Variants in ICAM2 observed in about 807,000 individuals in gnomAD.
The protein encoded by ICAM2 is intercellular adhesion molecule 2, also known as ICAM-2.
In ICAM2, 14 loss-of-function variants were observed where a neutral mutation model predicts 19.1. The observed-to-expected ratio is 0.73, with a 90% CI of 0.48 to 1.15. ICAM2 has a LOEUF of 1.15. ICAM2 is among the 50% of genes most tolerant of loss of function. The pLI, the probability that ICAM2 is intolerant of heterozygous loss-of-function variation, is 0.00. For synonymous variants in ICAM2, 153 were observed against 152.7 expected (o/e 1.00, Z -0.01); for missense variants, 311 against 355.4 (o/e 0.88, Z 1.00).
intron 1 of ICAM2, among the ~76,000 whole-genome samples, chr17:64,016,105 A>G (rs1275764335): frequency 6.6e-6 from 1 of 152,202 alleles, no homozygotes; most frequent in Non-Finnish European, 1.5e-5. Flanking sequence ...AGACAAGTAC[A>G]GGAAGAGAAA....
chr17:64,010,047 T>C (rs1261751752), intron 1 of ICAM2, among the ~76,000 whole-genome samples: 2 of 152,198 alleles, frequency 1.3e-5, no homozygotes, highest in Non-Finnish European at 2.9e-5. Context: ...TTTACCAGCC[T>C]CTTGCCCTCC....
intron 1 of ICAM2, among the ~76,000 whole-genome samples, chr17:64,013,488 G>C (rs557854859): frequency 5.3e-5 from 8 of 151,746 alleles, no homozygotes; most frequent in African/African-American, 1.7e-4. Flanking sequence ...GTGATAGGGT[G>C]AGTTCCTATC....
At position 64,005,092 on chromosome 17, in the gene ICAM2, A is replaced by C; in HGVS notation, c.328+15T>G. The C allele has an allele frequency of 6.2e-7, 1 of 1,614,052 alleles. No homozygotes were observed. The highest frequency in any genetic ancestry group is 8.5e-7 in the Non-Finnish European group (1 of 1,179,958). ...GTCCCAGGGGAGAGGAGGGCCCCGC[A>C]GCACAGCCACTCACGGTACACGCTG... On this transcript the variant is annotated intron_variant, in intron 3 of 4. Coordinates refer to ENST00000579788, the MANE Select transcript of ICAM2 (RefSeq NM_001099789.2).
intron 1 of ICAM2, among the ~76,000 whole-genome samples, chr17:64,011,279 G>A (rs945117041): frequency 1.3e-5 from 2 of 152,122 alleles, no homozygotes; most frequent in Admixed American, 6.5e-5. Flanking sequence ...TGGCTAACAC[G>A]GTGAAACCCT....
rs1345225688 is a variant in ICAM2, at chr17:64,014,396, GAAGGAAGGAAGA to G, written c.-45+6115_-45+6126del. On this transcript the variant is annotated intron_variant, in intron 1 of 4. Transcript: ENST00000579788. ...GAAAGAAAGGAAGGAAGGAAGGAAG[GAAGGAAGGAAGA>G]GAAAGAGAAAGAAAGGAAGGAAGGA... Among the ~76,000 whole-genome samples the G allele has an allele frequency of 8.8e-4, 64 of 72,664 alleles. 4 individuals are homozygous for G. The highest frequency in any genetic ancestry group is 1.6e-3 in the Admixed American group (10 of 6,202). The allele number at this position is 72,664 out of a possible 152,430, so 47.7% of individuals were successfully genotyped here.
chr17:64,017,329 A>T (rs72846783), intron 1 of ICAM2, among the ~76,000 whole-genome samples: 4 of 152,384 alleles, frequency 2.6e-5, no homozygotes, highest in Non-Finnish European at 5.9e-5. Context: ...ATACAAAAAC[A>T]TAATTTAAAA....
intron 3 of ICAM2, 55 bp from the exon 4 acceptor site, chr17:64,004,019 C>T: frequency 7.3e-7 from 1 of 1,373,968 alleles, no homozygotes; most frequent in Non-Finnish European, 9.9e-7. Flanking sequence ...GTCCCAGCAG[C>T]CTCCCCCTGG....
chr17:64,005,041 G>A, intron 3 of ICAM2, 66 bp downstream of exon 3: 2 of 1,560,828 alleles, frequency 1.3e-6, no homozygotes, highest in Non-Finnish European at 1.8e-6. Flanking sequence ...GAGGGGCTCT[G>A]TGTGCATTCA....
At position 64,014,378 on chromosome 17, in the gene ICAM2, AG is replaced by A. The variant is rs869291391; in HGVS notation, c.-45+6144del. 5.6e-3 allele frequency among the ~76,000 whole-genome samples: 257 copies of A among 45,912 alleles called. 2 individuals carry two copies. Among genetic ancestry groups the A allele is most frequent in the African/African-American group, 0.016 (235 of 15,068 alleles). The allele number at this position is 45,912 out of a possible 152,430, so 30.1% of individuals were successfully genotyped here. On this transcript the variant is annotated intron_variant, in intron 1 of 4. Transcript: ENST00000579788. ...AAGAAAGAAAGAAAGAAAGAAAGAA[AG>A]GAAGGAAGGAAGGAAGGAAGGAAGG...
At chr17:64,017,931 A>C (rs1409323456) in intron 1 of ICAM2, among the ~76,000 whole-genome samples, 1 of 152,220 alleles carries the variant, frequency 6.6e-6, no homozygotes, top group Non-Finnish European at 1.5e-5. Flanking sequence ...ATTTAGATTA[A>C]GGATTTATAT....
intron 3 of ICAM2, 50 bp from the exon 4 acceptor site, chr17:64,004,014 AGCAGCC>A: frequency 7.1e-7 from 1 of 1,408,248 alleles, no homozygotes; most frequent in South Asian, 1.3e-5. Flanking sequence ...GTGCAGTCCC[AGCAGCC>A]TCCCCCTGGC....
At chr17:64,004,863 G>A (rs554375886) in intron 3 of ICAM2, 2 of 587,572 alleles carry the variant, frequency 3.4e-6, no homozygotes, top group Non-Finnish European at 6.1e-6. Flanking sequence ...GCTAAATGTT[G>A]GTTAGATTGT....
At chr17:64,003,394 G>A (rs1025534999) in intron 4 of ICAM2, 2 of 538,260 alleles carry the variant, frequency 3.7e-6, no homozygotes, top group Admixed American at 6.6e-5. Context: ...AGGCCAGGGA[G>A]AGCCGTCAAG....
At chr17:64,014,722 G>C (rs11870289) in intron 1 of ICAM2, among the ~76,000 whole-genome samples, 1 of 16,014 alleles carries the variant, frequency 6.2e-5, no homozygotes, top group African/African-American at 7.8e-5. Flanking sequence ...AGGAAGGAAG[G>C]AAGAAAGAAA....
intron 1 of ICAM2, among the ~76,000 whole-genome samples, chr17:64,013,012 T>C (rs1911515702): frequency 6.6e-6 from 1 of 151,866 alleles, no homozygotes; most frequent in African/African-American, 2.4e-5. Flanking sequence ...AATCCTTAGT[T>C]AAAAAAAATT....
intron 1 of ICAM2, among the ~76,000 whole-genome samples, chr17:64,014,404 GAAGAGA>G (rs1911596236): frequency 2.1e-5 from 1 of 46,560 alleles, no homozygotes; most frequent in African/African-American, 6.2e-5. Flanking sequence ...AGGAAGGAAG[GAAGAGA>G]AAGAGAAAGA....
At chr17:64,014,769 A>C in intron 1 of ICAM2, among the ~76,000 whole-genome samples, 1 of 149,652 alleles carries the variant, frequency 6.7e-6, no homozygotes, top group African/African-American at 2.5e-5. Context: ...AAGAAAGAAA[A>C]AGAAAGAAGG....
Position 64,002,658 on chromosome 17 carries a change from A to T in ICAM2, c.*89T>A. On this transcript the variant is annotated 3_prime_UTR_variant, in exon 5 of 5. Transcript: ENST00000579788. ...GTCCCAAGTCTCTGCTGCCTGTCAC[A>T]GTCCTTCAGCCAGGGCTGGACCTCA... 8.3e-7 allele frequency: 1 copy of T among 1,202,376 alleles called. No homozygotes were observed. The highest frequency in any genetic ancestry group is 1.4e-5 in the South Asian group (1 of 72,618). 74.5% of individuals were successfully genotyped at this position (1,202,376 alleles called of 1,614,324 possible). A position where few individuals can be genotyped will look rare whatever the true frequency, so the allele number is the denominator to read the frequency against.
Position 64,006,749 on chromosome 17 carries a change from G to GT in ICAM2, c.-44-15dup. On this transcript the variant is annotated splice_polypyrimidine_tract_variant and intron_variant, in intron 1 of 4. Coordinates refer to ENST00000579788, the MANE Select transcript of ICAM2 (RefSeq NM_001099789.2). ...GCCAAGGGCTGCCTGGAGGGAGATG[G>GT]TGGGCGCAGGTCTGAGCTATGGCCC... 1 of 1,502,850 alleles carries GT rather than the reference G, an allele frequency of 6.7e-7. No homozygotes were observed. Among genetic ancestry groups the GT allele is most frequent in the Non-Finnish European group, 9.3e-7 (1 of 1,080,516 alleles). 93.1% of individuals were successfully genotyped at this position (1,502,850 alleles called of 1,614,324 possible). A position where few individuals can be genotyped will look rare whatever the true frequency, so the allele number is the denominator to read the frequency against.
Sources: gnomAD v4.1 joint callset for allele counts (sites outside exome capture counted in the v4.1 genomes callset) on GRCh38, gnomAD v4.1.1 for gene constraint, MANE v1.5 for transcripts, NCBI Gene and HGNC (gene_info 2026-07-23, HGNC 2026-07-21) for gene names.